TPGS2: variants seen among roughly 807,000 people sequenced by gnomAD.
The protein encoded by TPGS2 is polyglutamylase subunit 2.
Under a neutral mutation model 31.1 loss-of-function variants are expected in TPGS2, and 26 were observed. The ratio of observed to expected loss-of-function variants is 0.84; its 90% CI spans 0.61 to 1.16. The LOEUF is 1.16. Among genes scored for constraint, TPGS2 ranks in the 50% most tolerant of loss-of-function variants. The probability of loss-of-function intolerance (pLI) is 0.00; values close to 1 mark genes in which losing one functional copy is unlikely to be tolerated. For missense variants in TPGS2, 351 were observed against 363.8 expected (o/e 0.96, Z 0.29); for synonymous variants, 130 against 136.6 (o/e 0.95, Z 0.34).
At chr18:36,790,302 C>A (rs1011219873), downstream of TPGS2, among the ~76,000 whole-genome samples, 1 of 152,232 alleles carries the variant, frequency 6.6e-6, no homozygotes, top group African/African-American at 2.4e-5. Flanking sequence ...TCTGGCTGGT[C>A]TTCACTACTG....
chr18:36,793,780 C>T (rs1026269449), downstream of TPGS2, among the ~76,000 whole-genome samples: 12 of 151,626 alleles, frequency 7.9e-5, no homozygotes, highest in Non-Finnish European at 1.5e-4. Flanking sequence ...CTCTGTCGTC[C>T]AGGCTGGAAT....
intron 1 of TPGS2, among the ~76,000 whole-genome samples, chr18:36,820,413 T>A (rs1008557850): frequency 6.6e-6 from 1 of 152,226 alleles, no homozygotes; most frequent in African/African-American, 2.4e-5. Context: ...ACATGTTGAC[T>A]TTAATAACTT....
chr18:36,825,989 T>C (rs1189566706), intron 1 of TPGS2, among the ~76,000 whole-genome samples: 1 of 152,236 alleles, frequency 6.6e-6, no homozygotes, highest in Non-Finnish European at 1.5e-5. Context: ...TCTTATGTAA[T>C]TTTCAGTACA....
intron 1 of TPGS2, among the ~76,000 whole-genome samples, chr18:36,825,723 G>C (rs1403140478): frequency 1.3e-5 from 2 of 152,106 alleles, no homozygotes. Context: ...TGAGTAAGAG[G>C]AACTTTTTTC....
At chr18:36,804,339 C>T (rs2045000234) in intron 4 of TPGS2, among the ~76,000 whole-genome samples, 1 of 152,180 alleles carries the variant, frequency 6.6e-6, no homozygotes, top group Non-Finnish European at 1.5e-5. Flanking sequence ...CTCTCTGTTA[C>T]CTACTCTACC....
chr18:36,790,920 C>T (rs2044288485), downstream of TPGS2, among the ~76,000 whole-genome samples: 1 of 152,148 alleles, frequency 6.6e-6, no homozygotes, highest in Non-Finnish European at 1.5e-5. Flanking sequence ...AACATGAAGT[C>T]CCCATCTGAT....
intron 5 of TPGS2, 55 bp from the exon 6 acceptor site, chr18:36,798,664 T>G: frequency 1.3e-6 from 2 of 1,576,638 alleles, no homozygotes; most frequent in South Asian, 1.2e-5. Flanking sequence ...CAGTTTTTTC[T>G]TTTTAACTGT....
chr18:36,791,978 T>C (rs1267713079), downstream of TPGS2, among the ~76,000 whole-genome samples: 1 of 146,844 alleles, frequency 6.8e-6, no homozygotes, highest in Non-Finnish European at 1.5e-5. Context: ...CAGTGAGCCA[T>C]GATTGCGCCA....
intron 5 of TPGS2, among the ~76,000 whole-genome samples, chr18:36,798,937 A>G (rs949868755): frequency 1.8e-4 from 27 of 152,206 alleles, no homozygotes; most frequent in African/African-American, 6.5e-4. Flanking sequence ...CTCCCCCGGT[A>G]GGGGGGCGGA....
chr18:36,814,822 C>T (rs2045584415), intron 2 of TPGS2, among the ~76,000 whole-genome samples: 1 of 152,194 alleles, frequency 6.6e-6, no homozygotes, highest in African/African-American at 2.4e-5. Flanking sequence ...ACCATACAGT[C>T]CTTAGAGCTC....
At chr18:36,784,047 A>G (rs2044075017) in intron 6 of TPGS2, among the ~76,000 whole-genome samples, 1 of 152,180 alleles carries the variant, frequency 6.6e-6, no homozygotes, top group South Asian at 2.1e-4. Flanking sequence ...AGAGCTGTAA[A>G]AGGCAAGGAA....
At chr18:36,802,233 C>T (rs888560573) in intron 4 of TPGS2, among the ~76,000 whole-genome samples, 2 of 152,206 alleles carry the variant, frequency 1.3e-5, no homozygotes, top group Non-Finnish European at 1.5e-5. Flanking sequence ...GATATGTTCC[C>T]ACCAAGTTTT....
rs897770408 is a variant in TPGS2 at position 36,796,574 on chromosome 18, C to G, written c.*231G>C. ...GCACTCAGACTTATTTGGGCACTTA[C>G]ACAAGATTCCAAATTCCCCATTGCT... On this transcript the variant is annotated 3_prime_UTR_variant, in exon 7 of 7. Coordinates refer to ENST00000334295, the MANE Select transcript of TPGS2 (RefSeq NM_015476.4). The G allele has an allele frequency of 3.0e-6, 4 of 1,319,074 alleles. No homozygotes were observed. In the African/African-American group the frequency reaches 6.1e-5, roughly 20 times the overall value. 81.7% of individuals were successfully genotyped at this position (1,319,074 alleles called of 1,614,324 possible). A position where few individuals can be genotyped will look rare whatever the true frequency, so the allele number is the denominator to read the frequency against.
At chr18:36,808,837 C>T (rs1392564838) in intron 2 of TPGS2, among the ~76,000 whole-genome samples, 5 of 152,172 alleles carry the variant, frequency 3.3e-5, no homozygotes, top group Non-Finnish European at 7.3e-5. Flanking sequence ...GCCCTACATT[C>T]TAAGTAACTC....
intron 6 of TPGS2, chr18:36,786,795 T>C (rs2044142027): frequency 1.6e-6 from 2 of 1,233,878 alleles, no homozygotes. Flanking sequence ...GTCTGTTCAC[T>C]TGGTTGGAGA....
chr18:36,828,379 G>C (rs1212941702), intron 1 of TPGS2, among the ~76,000 whole-genome samples: 1 of 152,102 alleles, frequency 6.6e-6, no homozygotes, highest in African/African-American at 2.4e-5. Context: ...CTTCCCAACC[G>C]TCAGGTGCTT....
At chr18:36,780,814 T>C (rs2043991864), downstream of TPGS2, among the ~76,000 whole-genome samples, 1 of 152,188 alleles carries the variant, frequency 6.6e-6, no homozygotes, top group Admixed American at 6.5e-5. Flanking sequence ...GGGCACTTAT[T>C]ATGAATGGAG....
At position 36,796,741 on chromosome 18, in the gene TPGS2, C is replaced by G; in HGVS notation, c.*64G>C. Reference sequence around the variant, plus strand: ...CCACACGCAAAACTGGAGGTCACCCCTAGGGCCATCTGTGCATGGAAACCA... The same window carrying G: ...CCACACGCAAAACTGGAGGTCACCCGTAGGGCCATCTGTGCATGGAAACCA... On this transcript the variant is annotated 3_prime_UTR_variant, in exon 7 of 7. Coordinates refer to ENST00000334295, the MANE Select transcript of TPGS2 (RefSeq NM_015476.4). 1 of 1,561,766 alleles carries G rather than the reference C, an allele frequency of 6.4e-7. No individual in the cohort carries two copies. The highest frequency in any genetic ancestry group is 2.2e-5 in the Admixed American group (1 of 45,466).
chr18:36,828,803 G>C lies in TPGS2; in HGVS notation c.-36C>G. ...CGCGATTCGCGCGCGGCGGGAGCGG[G>C]TGGAGGGCCGGACCCCGCCTCAGCG... is the stretch of plus-strand genomic sequence containing the variant. On this transcript the variant is annotated 5_prime_UTR_variant, in exon 1 of 7. Coordinates refer to ENST00000334295, the MANE Select transcript of TPGS2 (RefSeq NM_015476.4). The C allele has an allele frequency of 1.2e-6, 2 of 1,607,674 alleles. No individual in the cohort carries two copies. Among genetic ancestry groups the C allele is most frequent in the Non-Finnish European group, 1.7e-6 (2 of 1,176,936 alleles).
Sources: allele counts gnomAD v4.1 joint callset (sites outside exome capture counted in the v4.1 genomes callset), GRCh38; gene constraint gnomAD v4.1.1; transcripts MANE v1.5; gene names NCBI Gene and HGNC (gene_info 2026-07-23, HGNC 2026-07-21).